Variants in GBF1 observed in about 807,000 individuals in gnomAD.
GBF1 encodes the protein Golgi-specific brefeldin A-resistance guanine nucleotide exchange factor 1.
Under a neutral mutation model 210.5 loss-of-function variants are expected in GBF1, and 114 were observed. The ratio of observed to expected loss-of-function variants is 0.54; its 90% confidence interval spans 0.47 to 0.63. The LOEUF (loss-of-function observed/expected upper bound fraction) is 0.63. Among genes scored for constraint, GBF1 ranks in the 30% least tolerant of loss-of-function variants. GBF1 has a pLI of 0.00. For synonymous variants in GBF1, 850 were observed against 889.2 expected (o/e 0.96, Z 0.78); for missense variants, 1,851 against 2,357.7 (o/e 0.79, Z 4.45).
intron 8 of GBF1, among the ~76,000 whole-genome samples, chr10:102,356,152 G>C (rs1000617699): frequency 6.6e-6 from 1 of 152,172 alleles, no homozygotes; most frequent in Non-Finnish European, 1.5e-5. Flanking sequence ...TGGAAGAATT[G>C]TGTGGTTTCT....
intron 3 of GBF1, among the ~76,000 whole-genome samples, chr10:102,336,567 A>G (rs1477371808): frequency 6.6e-6 from 1 of 152,154 alleles, no homozygotes; most frequent in African/African-American, 2.4e-5. Context: ...ATTTATTTAA[A>G]TTATCTAATA....
intron 3 of GBF1, among the ~76,000 whole-genome samples, chr10:102,271,663 A>G (rs2133301193): frequency 6.6e-6 from 1 of 152,286 alleles, no homozygotes; most frequent in East Asian, 1.9e-4. Flanking sequence ...AAGGATTAAA[A>G]GCTTGATTAG....
chr10:102,380,283 T>C lies in GBF1; in HGVS notation c.4913T>C (p.Leu1638Pro). Residue 1638 changes from leucine (L) to proline (P), a missense_variant, in exon 37 of 40, where the codon CTC becomes CCC. Around this residue, in one of 3 missense-constraint regions of GBF1, gnomAD observed 967 missense variants for 1,247.7 expected, o/e 0.78. Transcript: ENST00000369983. The stretch of plus-strand genomic sequence containing the variant: ...CAGCACCTGTCTCCACTGCTGTCAC[T>C]CTCTACCTTTGCGGCCCTCTGGCTC... Reference protein sequence around the residue: ...FLQHLSPLLSLSTFAALWLTI... With the variant: ...FLQHLSPLLSPSTFAALWLTI... 1.2e-6 allele frequency: 2 copies of C among 1,613,976 alleles called. No individual in the cohort carries two copies. The highest frequency in any genetic ancestry group is 1.7e-6 in the Non-Finnish European group (2 of 1,179,894).
At chr10:102,231,074 A>T in the GBF1 span, 1 of 1,564,602 alleles carries the variant, frequency 6.4e-7, no homozygotes, top group Non-Finnish European at 8.6e-7. Flanking sequence ...CGCTTCCGCC[A>T]TTTGGCGCGC....
intron 6 of GBF1, 140 bp from the exon 7 acceptor site, chr10:102,352,318 C>T (rs781581390): frequency 3.9e-5 from 26 of 674,388 alleles, no homozygotes; most frequent in Non-Finnish European, 6.5e-5. Context: ...TTCTGGCTGC[C>T]AGGCTGAGCT....
intron 3 of GBF1, among the ~76,000 whole-genome samples, chr10:102,302,130 C>T (rs1305441038): frequency 6.6e-6 from 1 of 152,008 alleles, no homozygotes; most frequent in Non-Finnish European, 1.5e-5. Flanking sequence ...TCAGGCGTGG[C>T]GGCGCGCGCC....
chr10:102,301,411 CTCTA>C (rs2077336122), intron 3 of GBF1, among the ~76,000 whole-genome samples: 2 of 152,238 alleles, frequency 1.3e-5, no homozygotes, highest in Non-Finnish European at 2.9e-5. Context: ...AATCTGATTT[CTCTA>C]TCTTTTCCCC....
intron 18 of GBF1, 141 bp downstream of exon 18, chr10:102,365,740 GTC>G: frequency 4.2e-6 from 3 of 717,844 alleles, no homozygotes; most frequent in Admixed American, 2.2e-5. Context: ...GTGAAACCCT[GTC>G]TCTACAAAAA....
rs547374013 is a variant in GBF1, at chr10:102,256,629, T to G, written c.-10-2300T>G. The stretch of plus-strand genomic sequence containing the variant: ...CTGCCTCCCAGGTTCCAGCGATTCT[T>G]CTGCCTCAGCCACTCGAGTAGCTGG... On this transcript the variant is annotated intron_variant, in intron 1 of 39. Coordinates refer to ENST00000369983, the MANE Select transcript of GBF1 (RefSeq NM_001377137.1). Among the ~76,000 whole-genome samples, 4 of 151,660 alleles carry G rather than the reference T, an allele frequency of 2.6e-5. No individual in the cohort carries two copies. The South Asian group carries it at 8.4e-4, about 32-fold the overall frequency.
chr10:102,268,531 T>G (rs2074094020), intron 3 of GBF1, among the ~76,000 whole-genome samples: 1 of 152,102 alleles, frequency 6.6e-6, no homozygotes, highest in Non-Finnish European at 1.5e-5. Flanking sequence ...AACTTCTGAG[T>G]ATATGCCCAA....
chr10:102,232,111 A>C, the GBF1 span: 1 of 1,399,136 alleles, frequency 7.1e-7, no homozygotes, highest in Non-Finnish European at 1.0e-6. Flanking sequence ...GAGAGAAGAC[A>C]CAGACCAGGG....
At chr10:102,378,540 A>C (rs934420712) in intron 33 of GBF1, among the ~76,000 whole-genome samples, 2 of 152,136 alleles carry the variant, frequency 1.3e-5, no homozygotes, top group African/African-American at 4.8e-5. Flanking sequence ...GTAGCTGAGT[A>C]GGTGGGAGGA....
intron 3 of GBF1, among the ~76,000 whole-genome samples, chr10:102,334,892 G>C (rs1049399691): frequency 3.4e-4 from 51 of 151,962 alleles, no homozygotes; most frequent in African/African-American, 1.1e-3. Context: ...TTTTGGAGAG[G>C]TCACCTCATC....
At chr10:102,345,281 C>CA (rs200940534) in intron 4 of GBF1, among the ~76,000 whole-genome samples, 1,587 of 98,416 alleles carry the variant, frequency 0.016, 20 homozygotes, top group African/African-American at 0.057. Flanking sequence ...GACTCTGTCT[C>CA]AAAAAAAAAA....
intron 3 of GBF1, among the ~76,000 whole-genome samples, chr10:102,302,901 T>C (rs553605478): frequency 2.6e-5 from 4 of 152,216 alleles, no homozygotes; most frequent in East Asian, 3.9e-4. Context: ...AGTGCCAAGG[T>C]TGAGAAACTC....
intron 3 of GBF1, among the ~76,000 whole-genome samples, chr10:102,272,116 T>C (rs1224179810): frequency 6.6e-6 from 1 of 151,804 alleles, no homozygotes; most frequent in African/African-American, 2.4e-5. Flanking sequence ...TTGTTGATTT[T>C]TTTTTTTTTA....
At chr10:102,303,197 A>C (rs1047961847) in intron 3 of GBF1, among the ~76,000 whole-genome samples, 1 of 152,152 alleles carries the variant, frequency 6.6e-6, no homozygotes, top group African/African-American at 2.4e-5. Flanking sequence ...CATGTTGGCC[A>C]GGCTGGTCTC....
intron 3 of GBF1, among the ~76,000 whole-genome samples, chr10:102,286,055 C>T (rs1275181401): frequency 1.3e-5 from 2 of 152,112 alleles, no homozygotes; most frequent in African/African-American, 4.8e-5. Context: ...CCACAATACA[C>T]AGTGTTGTTG....
intron 3 of GBF1, among the ~76,000 whole-genome samples, chr10:102,320,344 C>G (rs2056283711): frequency 6.6e-6 from 1 of 152,022 alleles, no homozygotes; most frequent in African/African-American, 2.4e-5. Context: ...ATTTCTTTAT[C>G]CTCATTATTC....
Sources: allele counts gnomAD v4.1 joint callset (sites outside exome capture counted in the v4.1 genomes callset), GRCh38; gene constraint gnomAD v4.1.1; regional missense constraint gnomAD v4.1.1; transcripts MANE v1.5; gene names NCBI Gene and HGNC (gene_info 2026-07-23, HGNC 2026-07-21).